BRCC3: variants seen among roughly 807,000 people sequenced by gnomAD.
The protein encoded by BRCC3 is lys-63-specific deubiquitinase BRCC36.
A neutral mutation model predicts 28.0 loss-of-function variants in BRCC3; 15 were observed. The observed-to-expected ratio is 0.54, with a 90% CI of 0.36 to 0.82. BRCC3 has a LOEUF of 0.82. Ranked by LOEUF, BRCC3 falls within the 40% of genes least tolerant of loss-of-function variation. The probability of loss-of-function intolerance (pLI) is 0.01; values close to 1 mark genes in which losing one functional copy is unlikely to be tolerated. For missense variants in BRCC3, 109 were observed against 225.9 expected, an observed-to-expected ratio of 0.48 and a Z score of 3.32; for synonymous variants, 66 against 80.3, an observed-to-expected ratio of 0.82 and a Z score of 0.95.
chrX:155,075,285 C>T (rs1306666919), intron 3 of BRCC3, among the ~76,000 whole-genome samples: 15 of 50,580 alleles, frequency 3.0e-4, no homozygotes, highest in South Asian at 8.5e-4. Flanking sequence ...GCTAAGCCCA[C>T]TCTTTCCCCT....
intron 7 of BRCC3, among the ~76,000 whole-genome samples, chrX:155,097,175 G>A (rs1201825545): frequency 2.7e-5 from 3 of 111,297 alleles, no homozygotes; most frequent in Non-Finnish European, 5.6e-5. Flanking sequence ...AAACTAAAAC[G>A]CCTGCACAGC....
intron 3 of BRCC3, 122 bp from the exon 4 acceptor site, chrX:155,077,048 G>C (rs2074050008): frequency 3.4e-6 from 2 of 595,271 alleles, no homozygotes; most frequent in African/African-American, 4.7e-5. Context: ...CGTGAGAAAA[G>C]TGTCAGTTTT....
At chrX:155,074,316 C>G (rs1557293061) in intron 3 of BRCC3, among the ~76,000 whole-genome samples, 2 of 112,152 alleles carry the variant, frequency 1.8e-5, no homozygotes, top group African/African-American at 6.5e-5. Context: ...CTTTAATAGC[C>G]AGACTTCTTA....
chrX:155,100,085 T>A (rs1047320504), intron 7 of BRCC3, among the ~76,000 whole-genome samples: 3 of 111,931 alleles, frequency 2.7e-5, no homozygotes, highest in Admixed American at 9.5e-5. Context: ...TATTAAGGAT[T>A]CCTGTATACC....
At chrX:155,075,845 T>C (rs1215216198) in intron 3 of BRCC3, among the ~76,000 whole-genome samples, 4 of 111,992 alleles carry the variant, frequency 3.6e-5, no homozygotes, top group African/African-American at 9.8e-5. Flanking sequence ...CTTTGCCATC[T>C]GCCATTTCAC....
chrX:155,074,542 C>G (rs1300401866), intron 3 of BRCC3, among the ~76,000 whole-genome samples: 1 of 111,938 alleles, frequency 8.9e-6, no homozygotes, highest in Non-Finnish European at 1.9e-5. Flanking sequence ...TCTTCCTCCT[C>G]TGTCTATGCA....
intron 3 of BRCC3, among the ~76,000 whole-genome samples, chrX:155,075,804 G>T (rs182544083): frequency 1.8e-5 from 2 of 111,628 alleles, no homozygotes; most frequent in South Asian, 3.7e-4. Context: ...GGCATTTGAG[G>T]TCTTGTACAT....
intron 6 of BRCC3, among the ~76,000 whole-genome samples, chrX:155,089,873 G>A (rs1380846957): frequency 8.9e-6 from 1 of 111,975 alleles, no homozygotes. Flanking sequence ...TGAACAGTGG[G>A]CAGAGGGTGT....
At chrX:155,096,350 C>G (rs1227584158) in intron 7 of BRCC3, among the ~76,000 whole-genome samples, 3 of 111,867 alleles carry the variant, frequency 2.7e-5, no homozygotes, top group African/African-American at 9.8e-5. Flanking sequence ...GGTGGTTGTA[C>G]GATATTGTGA....
At chrX:155,103,877 T>G (rs1272925481) in intron 7 of BRCC3, among the ~76,000 whole-genome samples, 3 of 110,821 alleles carry the variant, frequency 2.7e-5, no homozygotes, top group Non-Finnish European at 5.7e-5. Context: ...CTGTATAGTT[T>G]CTATTGCTGT....
intron 5 of BRCC3, among the ~76,000 whole-genome samples, chrX:155,081,255 C>A (rs1438070660): frequency 9.3e-6 from 1 of 107,757 alleles, no homozygotes; most frequent in African/African-American, 3.4e-5. Flanking sequence ...TCACTTGAAC[C>A]TGGGAGATGG....
At position 155,071,540 on chromosome X, in the gene BRCC3, G is replaced by C; in HGVS notation, c.13G>C (p.Val5Leu). The stretch of plus-strand genomic sequence containing the variant: ...GGGTCGGGCCAAGATGGCGGTGCAG[G>C]TGGTGCAGGCGGTGCAGGCGGTTCA... The part of the protein sequence containing the change: MAVQ[V>L]VQAVQAVHLE... The change falls in exon 1 of 11, where the codon GTG becomes CTG. Residue 5 changes from valine to leucine, a missense_variant. Physicochemically the swap from Val to Leu is conservative, Grantham distance 32. Coordinates refer to ENST00000330045, the MANE Select transcript of BRCC3 (RefSeq NM_001018055.3). 5.0e-6 allele frequency: 6 copies of C among 1,206,254 alleles called. No homozygotes were observed. The highest frequency in any genetic ancestry group is 6.7e-6 in the Non-Finnish European group (6 of 892,629).
rs1557292570 is a variant in BRCC3, at chrX:155,071,551, G to C, written c.24G>C (p.Ala8=). MAVQVVQ[A]VQAVHLESDA... is the part of the protein sequence containing the mutation. The stretch of plus-strand genomic sequence containing the variant: ...AGATGGCGGTGCAGGTGGTGCAGGC[G>C]GTGCAGGCGGTTCATCTCGAGTCTG... The change falls in exon 1 of 11, where the codon GCG becomes GCC. Residue 8 remains alanine (A), a synonymous_variant. Transcript: ENST00000330045. 1.7e-6 allele frequency: 2 copies of C among 1,202,920 alleles called. No homozygotes were observed. The highest frequency in any genetic ancestry group is 2.2e-5 in the Admixed American group (1 of 45,612).
intron 7 of BRCC3, among the ~76,000 whole-genome samples, chrX:155,100,237 C>T (rs1305418625): frequency 3.6e-5 from 4 of 111,552 alleles, no homozygotes; most frequent in Admixed American, 1.9e-4. Flanking sequence ...TCTGAAAGAA[C>T]GACGACATTC....
intron 7 of BRCC3, among the ~76,000 whole-genome samples, chrX:155,107,091 A>AT (rs1230858550): frequency 9.2e-6 from 1 of 108,477 alleles, no homozygotes; most frequent in Admixed American, 9.8e-5. Context: ...TTATTTAGTT[A>AT]TTTTTTTTCT....
At chrX:155,101,834 T>C (rs1557296918) in intron 7 of BRCC3, among the ~76,000 whole-genome samples, 2 of 111,985 alleles carry the variant, frequency 1.8e-5, no homozygotes, top group South Asian at 7.5e-4. Context: ...CTATCACTTC[T>C]CTAACCACAG....
chrX:155,098,154 G>T (rs112163143), intron 7 of BRCC3, among the ~76,000 whole-genome samples: 4,113 of 111,585 alleles, frequency 0.037, 71 homozygotes, highest in African/African-American at 0.061. Context: ...TGAAAACCAG[G>T]TTTATTTTCT....
intron 5 of BRCC3, among the ~76,000 whole-genome samples, chrX:155,082,769 T>C (rs2074093451): frequency 8.9e-6 from 1 of 112,606 alleles, no homozygotes; most frequent in Non-Finnish European, 1.9e-5. Context: ...ACAGAACTTA[T>C]TCACATTTTG....
chrX:155,119,971 A>G, intron 9 of BRCC3, 28 bp from the exon 10 acceptor site: 1 of 1,185,677 alleles, frequency 8.4e-7, no homozygotes, highest in Non-Finnish European at 1.1e-6. Flanking sequence ...TTCCACAATT[A>G]TTCTCATCTT....
Sources: allele counts gnomAD v4.1 joint callset (sites outside exome capture counted in the v4.1 genomes callset), GRCh38; gene constraint gnomAD v4.1.1; transcripts MANE v1.5; gene names NCBI Gene and HGNC (gene_info 2026-07-23, HGNC 2026-07-21).